MACROD2: variants seen among roughly 807,000 people sequenced by gnomAD.
The protein encoded by MACROD2 is ADP-ribose glycohydrolase MACROD2.
MACROD2 carries 36 observed loss-of-function variants against 70.4 expected under a neutral mutation model. That is an observed-to-expected ratio of 0.51 (90% CI 0.39 to 0.68). The LOEUF (loss-of-function observed/expected upper bound fraction) is 0.68, where lower values mean the gene tolerates loss of function less well. MACROD2 is among the 30% of genes least tolerant of loss of function. The probability of loss-of-function intolerance (pLI) is 0.00; values close to 1 mark genes in which losing one functional copy is unlikely to be tolerated. For missense variants in MACROD2, 496 were observed against 538.4 expected (o/e 0.92, Z 0.78); for synonymous variants, 172 against 178.8 (o/e 0.96, Z 0.30).
intron 3 of MACROD2, among the ~76,000 whole-genome samples, chr20:14,114,352 T>C (rs1006851825): frequency 3.9e-5 from 6 of 152,152 alleles, no homozygotes; most frequent in Non-Finnish European, 8.8e-5. Context: ...TTTTAAAGAC[T>C]TGATTTATAG....
chr20:15,598,862 A>T (rs2048779759), intron 8 of MACROD2, among the ~76,000 whole-genome samples: 1 of 152,116 alleles, frequency 6.6e-6, no homozygotes, highest in African/African-American at 2.4e-5. Context: ...CATACTACAA[A>T]ATTAGTCATT....
At chr20:14,686,700 T>C (rs777146243) in intron 5 of MACROD2, among the ~76,000 whole-genome samples, 5 of 152,196 alleles carry the variant, frequency 3.3e-5, no homozygotes, top group Admixed American at 6.5e-5. Context: ...TCTCGGTTTG[T>C]GTAAGTATAC....
intron 8 of MACROD2, among the ~76,000 whole-genome samples, chr20:15,653,627 A>C (rs2049680208): frequency 6.6e-6 from 1 of 152,186 alleles, no homozygotes; most frequent in African/African-American, 2.4e-5. Context: ...ATAGGACACC[A>C]GCATTCTTTC....
rs181627463 is a variant in MACROD2, at chr20:14,865,001, G to A, written c.418+180042G>A. Among the ~76,000 whole-genome samples, 29 of 152,152 alleles carry A rather than the reference G, an allele frequency of 1.9e-4. No individual in the cohort carries two copies. The East Asian group carries it at 4.3e-3, about 22-fold the overall frequency. On this transcript the variant is annotated intron_variant, in intron 5 of 17. Transcript: ENST00000684519. ...AGCTTGACAAATTGCTCATATATAC[G>A]TAGGCAGAAGTGGCTGATCACTACA...
chr20:15,480,251 AC>A (rs576695494), intron 7 of MACROD2, among the ~76,000 whole-genome samples: 1 of 150,876 alleles, frequency 6.6e-6, no homozygotes, highest in African/African-American at 2.4e-5. Flanking sequence ...GACTCTAAAC[AC>A]CCCCCCTTAA....
chr20:14,578,851 A>C (rs553107662), intron 4 of MACROD2, among the ~76,000 whole-genome samples: 1 of 152,180 alleles, frequency 6.6e-6, no homozygotes, highest in South Asian at 2.1e-4. Context: ...GCTATTTTAC[A>C]GGGAGGAGCG....
chr20:14,201,473 C>A (rs2081479051), intron 3 of MACROD2, among the ~76,000 whole-genome samples: 1 of 152,142 alleles, frequency 6.6e-6, no homozygotes, highest in African/African-American at 2.4e-5. Flanking sequence ...TAGAATCTAG[C>A]CTTCCTTGTT....
intron 3 of MACROD2, among the ~76,000 whole-genome samples, chr20:14,204,903 A>G (rs370520382): frequency 6.6e-6 from 1 of 152,044 alleles, no homozygotes; most frequent in East Asian, 1.9e-4. Context: ...AGAGTCTCAT[A>G]AGGCGTAGAA....
intron 8 of MACROD2, among the ~76,000 whole-genome samples, chr20:15,829,601 G>T (rs2064033025): frequency 6.6e-6 from 1 of 152,032 alleles, no homozygotes; most frequent in South Asian, 2.1e-4. Flanking sequence ...CAAATTATGG[G>T]GAGCTCATCT....
At chr20:15,353,348 T>C in intron 6 of MACROD2, among the ~76,000 whole-genome samples, 1 of 152,150 alleles carries the variant, frequency 6.6e-6, no homozygotes, top group East Asian at 1.9e-4. Context: ...ATACAAAAAT[T>C]AATTCCAGAT....
At chr20:14,087,428 C>A (rs2054091621) in intron 3 of MACROD2, among the ~76,000 whole-genome samples, 1 of 151,866 alleles carries the variant, frequency 6.6e-6, no homozygotes, top group Non-Finnish European at 1.5e-5. Context: ...ATGTCAGTTG[C>A]TTTGTACCAC....
intron 5 of MACROD2, among the ~76,000 whole-genome samples, chr20:14,955,681 C>T (rs928336192): frequency 2.0e-5 from 3 of 152,066 alleles, no homozygotes; most frequent in African/African-American, 7.2e-5. Flanking sequence ...CTTGTAGTTT[C>T]TAACTCTGCG....
chr20:15,635,044 G>A (rs1295554944), intron 8 of MACROD2, among the ~76,000 whole-genome samples: 1 of 152,140 alleles, frequency 6.6e-6, no homozygotes, highest in Non-Finnish European at 1.5e-5. Context: ...AGCAGCTATA[G>A]TTTTATGTCC....
intron 5 of MACROD2, among the ~76,000 whole-genome samples, chr20:15,126,127 T>TGC (rs2076065026): frequency 6.7e-6 from 1 of 150,092 alleles, no homozygotes; most frequent in African/African-American, 2.4e-5. Context: ...TTTTTTTTTT[T>TGC]TTTTTGCTCT....
chr20:14,620,541 CA>C (rs1410024785), intron 4 of MACROD2, among the ~76,000 whole-genome samples: 1 of 151,934 alleles, frequency 6.6e-6, no homozygotes, highest in Non-Finnish European at 1.5e-5. Flanking sequence ...TTAATGAGCC[CA>C]GAGGCAATTT....
At chr20:15,111,177 GT>G (rs11482162) in intron 5 of MACROD2, among the ~76,000 whole-genome samples, 29,817 of 140,662 alleles carry the variant, frequency 0.21, 3,913 homozygotes, top group Non-Finnish European at 0.31. Flanking sequence ...GTTTTTGTTT[GT>G]TTTTTTTTTT....
chr20:14,982,165 G>C (rs1390220147), intron 5 of MACROD2, among the ~76,000 whole-genome samples: 2 of 152,142 alleles, frequency 1.3e-5, no homozygotes, highest in Non-Finnish European at 2.9e-5. Flanking sequence ...GTGGGACTTT[G>C]AACTTGAGAG....
At chr20:14,606,081 G>T (rs1462943530) in intron 4 of MACROD2, among the ~76,000 whole-genome samples, 1 of 151,984 alleles carries the variant, frequency 6.6e-6, no homozygotes, top group African/African-American at 2.4e-5. Context: ...AATAGAATGG[G>T]CGCTTGTTAC....
At chr20:15,485,615 G>C (rs1027859818) in intron 7 of MACROD2, among the ~76,000 whole-genome samples, 3 of 152,116 alleles carry the variant, frequency 2.0e-5, no homozygotes, top group African/African-American at 4.8e-5. Context: ...GATGCCTGCT[G>C]TGGGAAATGT....
Sources: allele counts gnomAD v4.1 joint callset (sites outside exome capture counted in the v4.1 genomes callset), GRCh38; gene constraint gnomAD v4.1.1; transcripts MANE v1.5; gene names NCBI Gene and HGNC (gene_info 2026-07-23, HGNC 2026-07-21).